Variants in LRRC56 observed in about 807,000 individuals in gnomAD.
LRRC56 encodes leucine rich repeat containing 56, also known as leucine-rich repeat-containing protein 56.
A neutral mutation model predicts 47.8 loss-of-function variants in LRRC56; 41 were observed. The observed-to-expected ratio is 0.86, with a 90% CI of 0.67 to 1.11. LRRC56 has a LOEUF of 1.11. Among genes scored for constraint, LRRC56 ranks in the 50% most tolerant of loss-of-function variants. LRRC56 has a pLI of 0.00. For missense variants in LRRC56, 759 were observed against 704.2 expected, an observed-to-expected ratio of 1.08 and a Z score of -0.88; for synonymous variants, 387 against 311.2, an observed-to-expected ratio of 1.24 and a Z score of -2.56.
chr11:530,502 C>T, the LRRC56 span, among the ~76,000 whole-genome samples: 1 of 58,850 alleles, frequency 1.7e-5, no homozygotes, highest in Non-Finnish European at 3.5e-5. Context: ...GAGAGAAGGG[C>T]GAGTGTGGCG....
In LRRC56 at chr11:549,909, G is replaced by A. The variant is rs540874265; in HGVS notation, c.334G>A (p.Gly112Ser). Residue 112 changes from glycine to serine, a missense_variant, in exon 7 of 14, where the codon GGC (glycine) becomes AGC (serine). Coordinates refer to ENST00000270115, the MANE Select transcript of LRRC56 (RefSeq NM_198075.4). ...AAACCCTGCCTTCTGCAGGGACTTG[G>A]GCACGTCTCTGGGCCACCTGCAGGT... ...GSHLGSLRDL[G>S]TSLGHLQVLW... 2 of 1,612,952 alleles carry A rather than the reference G, an allele frequency of 1.2e-6. No homozygotes were observed. The highest frequency in any genetic ancestry group is 1.1e-5 in the South Asian group (1 of 91,084).
upstream of LRRC56, chr11:533,433 G>C (rs201524241): frequency 1.9e-6 from 3 of 1,612,018 alleles, no homozygotes; most frequent in African/African-American, 1.3e-5. Context: ...GGCTAGCTGT[G>C]GGGTGGAGAG....
At chr11:524,781 A>C in the LRRC56 span, among the ~76,000 whole-genome samples, 3 of 152,178 alleles carry the variant, frequency 2.0e-5, no homozygotes, top group Non-Finnish European at 2.9e-5. Flanking sequence ...ATTTTGAGAC[A>C]ATCTTGTATA....
chr11:551,209 GCA>G lies in LRRC56; in HGVS notation c.710_711del (p.Thr237ArgfsTer40). The stretch of plus-strand genomic sequence containing the variant: ...GCAGGTCCTGGACGAAGTGCCGGCC[GCA>G]CACACAGGCCCACCGGCCCCCCCGC... Reference protein sequence around the residue: ...QLQVLDEVPAAHTGPPAPPRL... With the variant: ...QLQVLDEVPAXHTGPPAPPRL... On this transcript the variant is annotated frameshift_variant, in exon 9 of 14. Transcript: ENST00000270115. LOFTEE classifies it high-confidence loss of function. 1 of 1,545,794 alleles carries G rather than the reference GCA, an allele frequency of 6.5e-7. No homozygotes were observed. Among genetic ancestry groups the G allele is most frequent in the Non-Finnish European group, 8.7e-7 (1 of 1,144,310 alleles).
At chr11:531,007 G>A in the LRRC56 span, among the ~76,000 whole-genome samples, 3 of 61,478 alleles carry the variant, frequency 4.9e-5, no homozygotes, top group Admixed American at 1.6e-4. Flanking sequence ...AGAGAAGGGC[G>A]AGTGTGGCGT....
chr11:541,776 C>T lies in LRRC56; in HGVS notation c.265+152C>T. 1.9e-6 allele frequency: 1 copy of T among 538,238 alleles called. No homozygotes were observed. The highest frequency in any genetic ancestry group is 3.3e-6 in the Non-Finnish European group (1 of 305,270). The allele number at this position is 538,238 out of a possible 1,614,324, so 33.3% of individuals were successfully genotyped here. On this transcript the variant is annotated intron_variant, in intron 5 of 13. Coordinates refer to ENST00000270115, the MANE Select transcript of LRRC56 (RefSeq NM_198075.4). This position sits in a 1 kb window ranked among gnomAD's most constrained non-coding sequence, Gnocchi z 4.1. Reference sequence around the variant, plus strand: ...TTGGCCTCTGACCTGAGGTCTGTGTCAGGTACAGGCAGAGGGCAATGCACT... The same window carrying T: ...TTGGCCTCTGACCTGAGGTCTGTGTTAGGTACAGGCAGAGGGCAATGCACT...
At chr11:517,071 G>A in the LRRC56 span, among the ~76,000 whole-genome samples, 9 of 152,166 alleles carry the variant, frequency 5.9e-5, no homozygotes, top group African/African-American at 1.4e-4. Flanking sequence ...GCTGGTCTCC[G>A]GCTCCTGACC....
upstream of LRRC56, chr11:532,750 C>T: frequency 1.9e-6 from 3 of 1,612,800 alleles, no homozygotes; most frequent in South Asian, 1.1e-5. Context: ...AGGCATCCTC[C>T]ACTCCCTGGG....
chr11:535,231 C>G (rs1158487900), upstream of LRRC56: 1 of 149,852 alleles, frequency 6.7e-6, no homozygotes, highest in African/African-American at 2.4e-5. Flanking sequence ...GGCCCCCGCC[C>G]GCCGCAGCCC....
At chr11:520,545 C>G in the LRRC56 span, among the ~76,000 whole-genome samples, 1 of 152,118 alleles carries the variant, frequency 6.6e-6, no homozygotes, top group Middle Eastern at 3.2e-3. Flanking sequence ...TCTCAAACTC[C>G]TGGCCTCAAA....
chr11:521,219 C>T, the LRRC56 span, among the ~76,000 whole-genome samples: 1 of 152,194 alleles, frequency 6.6e-6, no homozygotes, highest in Non-Finnish European at 1.5e-5. Context: ...CCTCCCTGTC[C>T]CCACCCTAGT....
At chr11:507,487 GC>G in the LRRC56 span, among the ~76,000 whole-genome samples, 1 of 152,266 alleles carries the variant, frequency 6.6e-6, no homozygotes, top group Admixed American at 6.5e-5. Context: ...GGTCTGGCGG[GC>G]GCGGGCGCGT....
rs878928319 is a variant in LRRC56 at position 554,666 on chromosome 11, G to A, written c.*390G>A. 2.4e-6 allele frequency: 1 copy of A among 411,056 alleles called. No individual in the cohort carries two copies. The highest frequency in any genetic ancestry group is 3.9e-5 in the South Asian group (1 of 25,756). The allele number at this position is 411,056 out of a possible 1,614,324, so 25.5% of individuals were successfully genotyped here. ...GTCCACCACTCCCTTGCCGGCCCCA[G>A]GGTAAGAGCCACCTCCTAGGCCGCA... is the stretch of plus-strand genomic sequence containing the variant. On this transcript the variant is annotated 3_prime_UTR_variant, in exon 14 of 14. Coordinates refer to ENST00000270115, the MANE Select transcript of LRRC56 (RefSeq NM_198075.4).
Position 552,050 on chromosome 11 carries a change from C to G in LRRC56, c.1039-40C>G, listed in dbSNP as rs752772041. 1.9e-6 allele frequency: 3 copies of G among 1,604,712 alleles called. No individual in the cohort carries two copies. In the South Asian group the frequency reaches 3.3e-5, roughly 18 times the overall value. ...ACAGTGCCCTGCCCTGCCGCCATTC[C>G]AGGGCCAGAATCCCTAAAGCAGTCC... On this transcript the variant is annotated intron_variant, in intron 11 of 13. Transcript: ENST00000270115.
intron 13 of LRRC56, among the ~76,000 whole-genome samples, chr11:553,701 C>T (rs1852565254): frequency 6.6e-6 from 1 of 152,210 alleles, no homozygotes; most frequent in East Asian, 1.9e-4. Flanking sequence ...GTCTCCTTCT[C>T]AGGGACAGGA....
chr11:509,077 G>A, the LRRC56 span, among the ~76,000 whole-genome samples: 32 of 150,874 alleles, frequency 2.1e-4, 1 homozygote, highest in Admixed American at 1.8e-3. Flanking sequence ...GTCTCAAAAA[G>A]AAGGTGGTTC....
At chr11:543,901 A>G (rs1851934516) in intron 5 of LRRC56, among the ~76,000 whole-genome samples, 1 of 152,096 alleles carries the variant, frequency 6.6e-6, no homozygotes, top group African/African-American at 2.4e-5. Flanking sequence ...GGCGCCCGCC[A>G]CCATACCCGG....
At chr11:511,575 C>G in the LRRC56 span, among the ~76,000 whole-genome samples, 1 of 152,240 alleles carries the variant, frequency 6.6e-6, no homozygotes, top group South Asian at 2.1e-4. Context: ...GAGGGGAAAA[C>G]TTTGCCCCAT....
At chr11:545,167 C>T (rs1852007221) in intron 6 of LRRC56, among the ~76,000 whole-genome samples, 1 of 152,166 alleles carries the variant, frequency 6.6e-6, no homozygotes. Flanking sequence ...TGGGTGGGAG[C>T]CCCTGCTGCA....
Sources: gnomAD v4.1 joint callset for allele counts (sites outside exome capture counted in the v4.1 genomes callset) on GRCh38, gnomAD v4.1.1 for gene constraint, Gnocchi (gnomAD v3.1) non-coding constraint, MANE v1.5 for transcripts, NCBI Gene and HGNC (gene_info 2026-07-23, HGNC 2026-07-21) for gene names.